The following RHCE variants were observed in gnomAD, a reference collection of about 807,000 sequenced individuals.
RHCE encodes the protein blood group Rh(CE) polypeptide.
In RHCE, 22 loss-of-function variants were observed where a neutral mutation model predicts 43.8. That is an observed-to-expected ratio of 0.50 (90% CI 0.36 to 0.72). The LOEUF is 0.72. Ranked by LOEUF, RHCE falls within the 30% of genes least tolerant of loss-of-function variation. RHCE has a pLI of 0.00. For synonymous variants in RHCE, 156 were observed against 210.7 expected, an observed-to-expected ratio of 0.74 and a Z score of 2.25; for missense variants, 385 against 525.4, an observed-to-expected ratio of 0.73 and a Z score of 2.61.
rs370420586 is a variant in RHCE, at chr1:25,381,723, G to T, written c.1073+3988C>A. 2.7e-5 allele frequency among the ~76,000 whole-genome samples: 4 copies of T among 150,932 alleles called. No individual in the cohort carries two copies. In the East Asian group the frequency reaches 5.8e-4, roughly 22 times the overall value. Reference sequence around the variant, plus strand: ...TCCACCTGCTTTGGCCTCCCAAAGTGCTGGGATTATAAGTCTGAGCCACCG... The same window carrying T: ...TCCACCTGCTTTGGCCTCCCAAAGTTCTGGGATTATAAGTCTGAGCCACCG... On this transcript the variant is annotated intron_variant, in intron 7 of 9. Coordinates refer to ENST00000294413, the MANE Select transcript of RHCE (RefSeq NM_020485.8).
intron 2 of RHCE, among the ~76,000 whole-genome samples, 191 bp downstream of exon 2, chr1:25,408,492 G>T (rs1254495031): frequency 8.1e-6 from 1 of 123,206 alleles, no homozygotes; most frequent in African/African-American, 2.5e-5. Context: ...GGGCTGTCCA[G>T]TAAAATACAG....
intron 8 of RHCE, among the ~76,000 whole-genome samples, chr1:25,372,951 T>A (rs1645659985): frequency 6.6e-6 from 1 of 151,456 alleles, no homozygotes; most frequent in Non-Finnish European, 1.5e-5. Flanking sequence ...ACTACAGGTG[T>A]ACCACCACAC....
intron 2 of RHCE, among the ~76,000 whole-genome samples, chr1:25,403,570 C>A (rs1646822180): frequency 1.3e-5 from 2 of 151,864 alleles, no homozygotes; most frequent in South Asian, 4.1e-4. Flanking sequence ...ATGATCTAGA[C>A]AGGCTACATA....
chr1:25,412,307 G>A (rs1231344169), intron 1 of RHCE, among the ~76,000 whole-genome samples: 1 of 152,212 alleles, frequency 6.6e-6, no homozygotes, highest in East Asian at 1.9e-4. Context: ...ACACATAGGA[G>A]TTGGACTTGA....
chr1:25,414,647 G>T (rs1647239414), intron 1 of RHCE, among the ~76,000 whole-genome samples: 1 of 152,204 alleles, frequency 6.6e-6, no homozygotes, highest in African/African-American at 2.4e-5. Context: ...ATGGGGTGGG[G>T]ATGGGGGACT....
At chr1:25,385,976 T>G (rs1328135096) in intron 6 of RHCE, 132 bp from the exon 7 acceptor site, 1 of 1,333,616 alleles carries the variant, frequency 7.5e-7, no homozygotes, top group Non-Finnish European at 1.1e-6. Context: ...AAGAAGCCCT[T>G]CTCAGACTTG....
chr1:25,382,069 C>T (rs1320348455), intron 7 of RHCE, among the ~76,000 whole-genome samples: 4 of 151,498 alleles, frequency 2.6e-5, no homozygotes, highest in East Asian at 1.9e-4. Context: ...AGTCATCACA[C>T]GGTGAGAGGG....
chr1:25,386,737 G>A (rs1646176294), intron 6 of RHCE, among the ~76,000 whole-genome samples: 1 of 151,532 alleles, frequency 6.6e-6, no homozygotes, highest in African/African-American at 2.4e-5. Context: ...CAGGAGAATG[G>A]TGTGAACCCG....
chr1:25,409,282 G>A (rs1032345451), intron 1 of RHCE, among the ~76,000 whole-genome samples: 2 of 124,248 alleles, frequency 1.6e-5, no homozygotes, highest in African/African-American at 5.0e-5. Flanking sequence ...GGGCACATGA[G>A]AAAATAAAGC....
rs1646976339 is a variant in RHCE at position 25,408,342 on chromosome 1, CTCTG to C, written c.335+337_335+340del. 3.3e-5 allele frequency among the ~76,000 whole-genome samples: 4 copies of C among 121,882 alleles called. 2 individuals carry two copies. The South Asian group carries it at 1.7e-3, about 51-fold the overall frequency. 80.0% of individuals were successfully genotyped at this position (121,882 alleles called of 152,430 possible). On this transcript the variant is annotated intron_variant, in intron 2 of 9. Transcript: ENST00000294413. ...CTCTAGGTGTGGCATGTCTATTTCT[CTCTG>C]TCTAACGTGTTTCCTTCTTACGTTT...
chr1:25,410,094 A>C (rs563620454), intron 1 of RHCE, among the ~76,000 whole-genome samples: 4 of 151,602 alleles, frequency 2.6e-5, no homozygotes, highest in Non-Finnish European at 4.4e-5. Context: ...AAGGGGTTTC[A>C]CTATGTTGGC....
chr1:25,429,155 G>C (rs2042828529), intron 1 of RHCE: 1 of 151,084 alleles, frequency 6.6e-6, no homozygotes, highest in African/African-American at 2.4e-5. Context: ...AGGGAGGGGT[G>C]ATTACAGGCC....
At chr1:25,405,688 A>T (rs1458490766) in intron 2 of RHCE, among the ~76,000 whole-genome samples, 1 of 121,994 alleles carries the variant, frequency 8.2e-6, no homozygotes, top group African/African-American at 2.5e-5. Context: ...AAAACATCCC[A>T]CTTCAGGGTT....
At chr1:25,389,291 G>A (rs535970423) in intron 5 of RHCE, among the ~76,000 whole-genome samples, 178 bp from the exon 6 acceptor site, 2 of 152,016 alleles carry the variant, frequency 1.3e-5, no homozygotes, top group Admixed American at 6.5e-5. Context: ...GGACACGGTG[G>A]GCCAGCTCAC....
At chr1:25,388,273 T>C (rs1345783810) in intron 6 of RHCE, among the ~76,000 whole-genome samples, 7 of 131,094 alleles carry the variant, frequency 5.3e-5, no homozygotes, top group Non-Finnish European at 1.1e-4. Context: ...CAATTGGCTA[T>C]AATGAAGTAT....
intron 3 of RHCE, among the ~76,000 whole-genome samples, chr1:25,397,278 C>T (rs1198154166): frequency 2.7e-5 from 4 of 149,240 alleles, no homozygotes; most frequent in African/African-American, 9.9e-5. Context: ...GGGTGGATCA[C>T]CTGAGGTCAG....
intron 5 of RHCE, 86 bp downstream of exon 5, chr1:25,390,663 C>G: frequency 6.7e-7 from 1 of 1,492,564 alleles, no homozygotes; most frequent in Non-Finnish European, 9.3e-7. Flanking sequence ...TCCCAACCCA[C>G]GCTGGCCCTG....
intron 3 of RHCE, among the ~76,000 whole-genome samples, chr1:25,401,752 A>C (rs926924959): frequency 1.3e-5 from 2 of 152,240 alleles, no homozygotes; most frequent in Non-Finnish European, 2.9e-5. Context: ...TGAATAGCAC[A>C]ATCCTACAGG....
chr1:25,384,101 C>T lies in RHCE; in HGVS notation c.1073+1610G>A, dbSNP rs544128369. Among the ~76,000 whole-genome samples the T allele has an allele frequency of 4.7e-4, 70 of 150,360 alleles. 1 individual carries two copies. The highest frequency in any genetic ancestry group is 5.6e-4 in the African/African-American group (23 of 40,872). On this transcript the variant is annotated intron_variant, in intron 7 of 9. Transcript: ENST00000294413. ...TAACTGGGTAGGTCTGGGGTGGGGC[C>T]GTAGGTAGGGCTTGCATTTCTAACA...
Sources: allele counts gnomAD v4.1 joint callset (sites outside exome capture counted in the v4.1 genomes callset), GRCh38; gene constraint gnomAD v4.1.1; transcripts MANE v1.5; gene names NCBI Gene and HGNC (gene_info 2026-07-23, HGNC 2026-07-21).